Variants in ADCY1 observed in about 807,000 individuals in gnomAD.
ADCY1 encodes the protein adenylate cyclase 1, also known as adenylate cyclase type 1.
Under a neutral mutation model 105.4 loss-of-function variants are expected in ADCY1, and 28 were observed. The observed-to-expected ratio is 0.27, with a 90% CI of 0.20 to 0.36. ADCY1 has a LOEUF of 0.36. Ranked by LOEUF, ADCY1 falls within the 10% of genes least tolerant of loss-of-function variation. The probability of loss-of-function intolerance (pLI) is 1.00; values close to 1 mark genes in which losing one functional copy is unlikely to be tolerated. For synonymous variants in ADCY1, 655 were observed against 623.8 expected, an observed-to-expected ratio of 1.05 and a Z score of -0.75; for missense variants, 977 against 1,434.2, an observed-to-expected ratio of 0.68 and a Z score of 5.15.
intron 8 of ADCY1, among the ~76,000 whole-genome samples, chr7:45,668,738 C>T (rs1489441359): frequency 6.6e-6 from 1 of 152,166 alleles, no homozygotes; most frequent in Non-Finnish European, 1.5e-5. Context: ...TGGTAGAATT[C>T]GGTTGTGAAT....
intron 1 of ADCY1, among the ~76,000 whole-genome samples, chr7:45,588,043 A>G (rs966390484): frequency 2.0e-5 from 3 of 152,044 alleles, no homozygotes. Flanking sequence ...GAATGATCCA[A>G]ATTTTTGCCT....
chr7:45,690,881 G>A (rs535795177), intron 14 of ADCY1, among the ~76,000 whole-genome samples: 50 of 152,342 alleles, frequency 3.3e-4, no homozygotes, highest in African/African-American at 1.2e-3. Flanking sequence ...AGATCTTTTT[G>A]TTGCAAAAAC....
chr7:45,619,207 G>A (rs1793823062), intron 3 of ADCY1, among the ~76,000 whole-genome samples: 1 of 152,156 alleles, frequency 6.6e-6, no homozygotes, highest in African/African-American at 2.4e-5. Context: ...TAGAGGCTGG[G>A]AAGAGTAGGA....
chr7:45,657,002 C>T (rs1321584154), intron 5 of ADCY1, among the ~76,000 whole-genome samples: 1 of 152,200 alleles, frequency 6.6e-6, no homozygotes, highest in Non-Finnish European at 1.5e-5. Context: ...CATCGTGTAC[C>T]CAAATTCGGC....
chr7:45,678,263 A>G lies in ADCY1; in HGVS notation c.1898A>G (p.Gln633Arg). The G allele has an allele frequency of 3.7e-6, 6 of 1,611,592 alleles. No individual in the cohort carries two copies. The highest frequency in any genetic ancestry group is 5.1e-6 in the Non-Finnish European group (6 of 1,177,750). ...FGLVYLLIFP[Q>R]SVVVLLLLVF... Reference sequence around the variant, plus strand: ...CTTGTCTACCTTCTAATATTCCCACAGTGAGTATTTCTATCAACGAGGTGA... The same window carrying G: ...CTTGTCTACCTTCTAATATTCCCACGGTGAGTATTTCTATCAACGAGGTGA... Residue 633 changes from glutamine to arginine, a missense_variant and splice_region_variant, in exon 10 of 20, where the codon CAG becomes CGG. Physicochemically the swap from Gln to Arg is conservative, Grantham distance 43. Transcript: ENST00000297323.
chr7:45,646,533 T>C (rs989546176), intron 4 of ADCY1, among the ~76,000 whole-genome samples: 1 of 152,218 alleles, frequency 6.6e-6, no homozygotes, highest in Non-Finnish European at 1.5e-5. Flanking sequence ...ACAGAGACCC[T>C]TGCCCAGATC....
chr7:45,698,662 G>T (rs999224466), intron 14 of ADCY1, among the ~76,000 whole-genome samples: 1 of 152,320 alleles, frequency 6.6e-6, no homozygotes, highest in East Asian at 1.9e-4. Flanking sequence ...CCTGCCCCAT[G>T]CTGTAAACAG....
intron 14 of ADCY1, among the ~76,000 whole-genome samples, chr7:45,694,417 C>G (rs1784843225): frequency 6.6e-6 from 1 of 152,058 alleles, no homozygotes; most frequent in Non-Finnish European, 1.5e-5. Context: ...GTAATATGAA[C>G]CAAATGAAAC....
intron 4 of ADCY1, among the ~76,000 whole-genome samples, chr7:45,646,074 T>G (rs1241790599): frequency 1.3e-5 from 2 of 151,992 alleles, no homozygotes; most frequent in African/African-American, 4.8e-5. Context: ...CCCTGTGCAT[T>G]CAGGCCTGTG....
At chr7:45,587,594 A>T (rs190521266) in intron 1 of ADCY1, among the ~76,000 whole-genome samples, 1 of 152,146 alleles carries the variant, frequency 6.6e-6, no homozygotes, top group Admixed American at 6.5e-5. Context: ...GGGATGTGGG[A>T]TGATGATGTC....
Position 45,582,728 on chromosome 7 carries a change from G to C in ADCY1, c.639+7546G>C, listed in dbSNP as rs548569635. Among the ~76,000 whole-genome samples the C allele has an allele frequency of 5.3e-4, 81 of 152,294 alleles. 3 individuals carry two copies. The South Asian group carries it at 0.017, about 32-fold the overall frequency. ...GGCTCTTCTCTCAGTGGAGCATGGG[G>C]TGTCTTCTGCAGTATTTTGCTAAGG... On this transcript the variant is annotated intron_variant, in intron 1 of 19. Transcript: ENST00000297323.
intron 14 of ADCY1, among the ~76,000 whole-genome samples, chr7:45,693,667 T>C (rs1784824186): frequency 6.6e-6 from 1 of 151,862 alleles, no homozygotes; most frequent in Admixed American, 6.6e-5. Flanking sequence ...CATGCACACG[T>C]ATGTTTATTG....
chr7:45,710,751 G>T lies in ADCY1; in HGVS notation c.3057+99G>T. The T allele has an allele frequency of 2.1e-6, 3 of 1,436,700 alleles. No homozygotes were observed. Among genetic ancestry groups the T allele is most frequent in the Non-Finnish European group, 2.8e-6 (3 of 1,076,706 alleles). The allele number at this position is 1,436,700 out of a possible 1,614,324, so 89.0% of individuals were successfully genotyped here. A position where few individuals can be genotyped will look rare whatever the true frequency, so the allele number is the denominator to read the frequency against. ...GAATTGAATCCCCAGTCTACAGCCC[G>T]TAAGTGGCAGGGCAGAAAGAGCTGC... On this transcript the variant is annotated intron_variant, in intron 19 of 19. Coordinates refer to ENST00000297323, the MANE Select transcript of ADCY1 (RefSeq NM_021116.4). The surrounding 1 kb of genome is among the most constrained non-coding windows in gnomAD (Gnocchi z 4.7).
intron 3 of ADCY1, among the ~76,000 whole-genome samples, chr7:45,612,577 A>G (rs1482890689): frequency 6.6e-6 from 1 of 152,224 alleles, no homozygotes; most frequent in Non-Finnish European, 1.5e-5. Context: ...TCCATACTGC[A>G]GGAAAGGCAT....
At chr7:45,674,840 C>T (rs1213185487) in intron 8 of ADCY1, among the ~76,000 whole-genome samples, 5 of 152,170 alleles carry the variant, frequency 3.3e-5, no homozygotes, top group Admixed American at 2.0e-4. Flanking sequence ...TCTACTTTTT[C>T]TGTTATCACT....
intron 8 of ADCY1, among the ~76,000 whole-genome samples, chr7:45,669,761 A>T (rs1419430270): frequency 6.6e-6 from 1 of 152,250 alleles, no homozygotes. Flanking sequence ...TAATGAAGAT[A>T]AAATTTCAAC....
chr7:45,638,948 T>C (rs1289692119), intron 4 of ADCY1, among the ~76,000 whole-genome samples: 1 of 152,142 alleles, frequency 6.6e-6, no homozygotes, highest in Non-Finnish European at 1.5e-5. Context: ...TCTGAGTCTC[T>C]GGTGTTGGAG....
chr7:45,631,246 T>C (rs549958458), intron 4 of ADCY1, among the ~76,000 whole-genome samples: 15 of 152,358 alleles, frequency 9.8e-5, no homozygotes, highest in African/African-American at 3.6e-4. Flanking sequence ...CCCATCAAGT[T>C]CTTAGATAAC....
At chr7:45,658,455 C>T (rs920752925) in intron 6 of ADCY1, among the ~76,000 whole-genome samples, 3 of 152,182 alleles carry the variant, frequency 2.0e-5, no homozygotes, top group African/African-American at 4.8e-5. Context: ...TCTGCCACCC[C>T]CAGGTCCTGT....
Sources: gnomAD v4.1 joint callset for allele counts (sites outside exome capture counted in the v4.1 genomes callset) on GRCh38, gnomAD v4.1.1 for gene constraint, Gnocchi (gnomAD v3.1) non-coding constraint, MANE v1.5 for transcripts, NCBI Gene and HGNC (gene_info 2026-07-23, HGNC 2026-07-21) for gene names.